Variants in FARS2 observed in about 807,000 individuals in gnomAD.
FARS2 encodes phenylalanine--tRNA ligase, mitochondrial.
In FARS2, 40 loss-of-function variants were observed where a neutral mutation model predicts 46.4. The ratio of observed to expected loss-of-function variants is 0.86; its 90% CI spans 0.67 to 1.12. The LOEUF (loss-of-function observed/expected upper bound fraction) is 1.12. Ranked by LOEUF, FARS2 falls within the 50% of genes most tolerant of loss-of-function variation. FARS2 has a pLI of 0.00. For missense variants in FARS2, 513 were observed against 567.9 expected (o/e 0.90, Z 0.98); for synonymous variants, 234 against 214.9 (o/e 1.09, Z -0.78).
At chr6:5,338,520 G>A (rs1047185498) in intron 1 of FARS2, among the ~76,000 whole-genome samples, 1 of 152,094 alleles carries the variant, frequency 6.6e-6, no homozygotes, top group Non-Finnish European at 1.5e-5. Context: ...TGCCTTGACC[G>A]CAGTGACTTT....
At position 5,392,735 on chromosome 6, in the gene FARS2, TACACACACACACACAC is replaced by T. The variant is rs10526282; in HGVS notation, c.613-11787_613-11772del. On this transcript the variant is annotated intron_variant, in intron 2 of 6. Transcript: ENST00000274680. ...ACACTTGCTCTAAAATATATATATA[TACACACACACACACAC>T]ACACACACACACACACACATGTATA... is the stretch of plus-strand genomic sequence containing the variant. 1.9e-3 allele frequency among the ~76,000 whole-genome samples: 276 copies of T among 142,364 alleles called. 1 individual carries two copies. The highest frequency in any genetic ancestry group is 6.8e-3 in the African/African-American group (263 of 38,654). 93.4% of individuals were successfully genotyped at this position (142,364 alleles called of 152,430 possible).
rs574670259 is a variant in FARS2 at position 5,491,484 on chromosome 6, G to T, written c.905-53696G>T. ...TTTTCCTAAAGTGACGTCGAGTTAA[G>T]AATCATGCGCCATTGATGGTAATCC... is the stretch of plus-strand genomic sequence containing the variant. On this transcript the variant is annotated intron_variant, in intron 4 of 6. Coordinates refer to ENST00000274680, the MANE Select transcript of FARS2 (RefSeq NM_006567.5). Among the ~76,000 whole-genome samples the T allele has an allele frequency of 3.2e-4, 49 of 152,240 alleles. 1 individual carries two copies. Among genetic ancestry groups the T allele is most frequent in the African/African-American group, 1.1e-3 (46 of 41,546 alleles).
intron 5 of FARS2, among the ~76,000 whole-genome samples, chr6:5,604,321 C>T (rs892396897): frequency 4.6e-5 from 7 of 152,216 alleles, no homozygotes; most frequent in African/African-American, 1.7e-4. Flanking sequence ...GACACCAATT[C>T]TTATGTCGAC....
At chr6:5,351,428 A>G (rs1249188368) in intron 1 of FARS2, among the ~76,000 whole-genome samples, 5 of 152,228 alleles carry the variant, frequency 3.3e-5, no homozygotes, top group African/African-American at 1.2e-4. Context: ...CTGGACCTGA[A>G]ATTTAGCAAG....
At chr6:5,627,128 A>G (rs1457492143) in intron 6 of FARS2, among the ~76,000 whole-genome samples, 1 of 152,236 alleles carries the variant, frequency 6.6e-6, no homozygotes, top group African/African-American at 2.4e-5. Context: ...GGTGATAGGT[A>G]GCTTTCAGCT....
intron 1 of FARS2, among the ~76,000 whole-genome samples, chr6:5,359,029 C>CT (rs764897456): frequency 0.19 from 13,706 of 72,400 alleles, 4,096 homozygotes; most frequent in South Asian, 0.49. Flanking sequence ...GAAAAGATAC[C>CT]CTTTTTTTTT....
At chr6:5,301,604 G>A (rs1352033342) in intron 1 of FARS2, among the ~76,000 whole-genome samples, 1 of 152,100 alleles carries the variant, frequency 6.6e-6, no homozygotes, top group Non-Finnish European at 1.5e-5. Flanking sequence ...TCTAAGGGAA[G>A]CAATTGTGAA....
chr6:5,376,584 G>T (rs1289121532), intron 2 of FARS2, among the ~76,000 whole-genome samples: 1 of 152,142 alleles, frequency 6.6e-6, no homozygotes, highest in Admixed American at 6.5e-5. Flanking sequence ...AATGGGCTCT[G>T]TTTTTATATT....
intron 6 of FARS2, among the ~76,000 whole-genome samples, chr6:5,761,369 C>T (rs1298618727): frequency 6.6e-6 from 1 of 152,224 alleles, no homozygotes; most frequent in Non-Finnish European, 1.5e-5. Flanking sequence ...AGAACAGCCA[C>T]TCCATGAATA....
At chr6:5,596,845 T>C (rs1774228500) in intron 5 of FARS2, among the ~76,000 whole-genome samples, 1 of 152,194 alleles carries the variant, frequency 6.6e-6, no homozygotes, top group Non-Finnish European at 1.5e-5. Context: ...GTTTACAATG[T>C]AGGAAGGACA....
intron 6 of FARS2, among the ~76,000 whole-genome samples, chr6:5,712,494 C>A (rs1200802923): frequency 6.6e-6 from 1 of 152,202 alleles, no homozygotes; most frequent in Non-Finnish European, 1.5e-5. Context: ...TTTAGAACCA[C>A]CGTTTCCCCT....
chr6:5,579,472 C>T (rs899386102), intron 5 of FARS2, among the ~76,000 whole-genome samples: 9 of 152,112 alleles, frequency 5.9e-5, no homozygotes, highest in Non-Finnish European at 7.4e-5. Flanking sequence ...TGGGATTTCA[C>T]CATGTTGGCC....
At chr6:5,292,929 A>G (rs1479866437) in intron 1 of FARS2, among the ~76,000 whole-genome samples, 2 of 152,220 alleles carry the variant, frequency 1.3e-5, no homozygotes, top group African/African-American at 2.4e-5. Flanking sequence ...TGGGAAGGCC[A>G]GAAGAGAGGC....
At chr6:5,649,126 G>T (rs1777218761) in intron 6 of FARS2, among the ~76,000 whole-genome samples, 1 of 152,144 alleles carries the variant, frequency 6.6e-6, no homozygotes, top group African/African-American at 2.4e-5. Context: ...AATTATAATG[G>T]TGCTTGGTAA....
At chr6:5,435,782 G>A (rs932438251) in intron 4 of FARS2, among the ~76,000 whole-genome samples, 1 of 152,180 alleles carries the variant, frequency 6.6e-6, no homozygotes, top group Admixed American at 6.5e-5. Flanking sequence ...CCTTGCCCCT[G>A]TGAAGTTTAG....
chr6:5,532,574 AC>A (rs919159379), intron 4 of FARS2, among the ~76,000 whole-genome samples: 1 of 152,144 alleles, frequency 6.6e-6, no homozygotes, highest in Non-Finnish European at 1.5e-5. Flanking sequence ...ACATAGTGAA[AC>A]CCTGTCTCTA....
chr6:5,628,299 A>C (rs994193374), intron 6 of FARS2, among the ~76,000 whole-genome samples: 2 of 152,152 alleles, frequency 1.3e-5, no homozygotes, highest in African/African-American at 4.8e-5. Context: ...AGGAAGAAAA[A>C]AGCTTGTCTG....
At chr6:5,600,231 A>T (rs570095837) in intron 5 of FARS2, among the ~76,000 whole-genome samples, 2 of 152,236 alleles carry the variant, frequency 1.3e-5, no homozygotes, top group African/African-American at 4.8e-5. Flanking sequence ...TGATTTCATT[A>T]TGGAAATACT....
chr6:5,449,358 A>AAG (rs1764354481), intron 4 of FARS2, among the ~76,000 whole-genome samples: 3 of 151,090 alleles, frequency 2.0e-5, no homozygotes, highest in Middle Eastern at 7.0e-3. Context: ...ATCTCAAAAA[A>AAG]AAAAAAAAGA....
Sources: gnomAD v4.1 joint callset for allele counts (sites outside exome capture counted in the v4.1 genomes callset) on GRCh38, gnomAD v4.1.1 for gene constraint, MANE v1.5 for transcripts, NCBI Gene and HGNC (gene_info 2026-07-23, HGNC 2026-07-21) for gene names.